The following DLG2 variants were observed in gnomAD, a reference collection of about 807,000 sequenced individuals.
The protein encoded by DLG2 is discs large MAGUK scaffold protein 2.
Under a neutral mutation model 132.5 loss-of-function variants are expected in DLG2, and 45 were observed. That is an observed-to-expected ratio of 0.34 (90% CI 0.27 to 0.44). The LOEUF is 0.44. DLG2 is among the 20% of genes least tolerant of loss of function. The pLI, the probability that DLG2 is intolerant of heterozygous loss-of-function variation, is 1.00. For missense variants in DLG2, 1,045 were observed against 1,196.9 expected, an observed-to-expected ratio of 0.87 and a Z score of 1.87; for synonymous variants, 424 against 419.6, an observed-to-expected ratio of 1.01 and a Z score of -0.13.
At chr11:84,341,672 C>G (rs148559545) in intron 7 of DLG2, among the ~76,000 whole-genome samples, 129 of 152,316 alleles carry the variant, frequency 8.5e-4, no homozygotes, top group African/African-American at 2.9e-3. Flanking sequence ...GCTTCTCAGC[C>G]CTAGATAAAC....
intron 3 of DLG2, among the ~76,000 whole-genome samples, chr11:85,591,646 G>A (rs576300292): frequency 2.0e-5 from 3 of 152,178 alleles, no homozygotes; most frequent in Non-Finnish European, 4.4e-5. Flanking sequence ...AGGAGGCTGA[G>A]GCAGAAGAAT....
intron 7 of DLG2, among the ~76,000 whole-genome samples, chr11:84,277,065 T>C (rs1482503610): frequency 6.6e-6 from 1 of 152,166 alleles, no homozygotes; most frequent in Non-Finnish European, 1.5e-5. Context: ...CTTGTTGCGT[T>C]GAGAAGACAG....
chr11:84,857,123 CAGTT>C (rs1286694125), intron 6 of DLG2, among the ~76,000 whole-genome samples: 3 of 151,186 alleles, frequency 2.0e-5, no homozygotes, highest in Non-Finnish European at 2.9e-5. Context: ...TGGGCAAAAA[CAGTT>C]AGAGATACAG....
At chr11:84,916,384 CAGTAAAATG>C (rs2092472098) in intron 6 of DLG2, among the ~76,000 whole-genome samples, 1 of 76,628 alleles carries the variant, frequency 1.3e-5, no homozygotes, top group Non-Finnish European at 2.8e-5. Context: ...AAAAAAGAAG[CAGTAAAATG>C]GCATGGTAAT....
intron 18 of DLG2, among the ~76,000 whole-genome samples, chr11:83,672,471 C>T (rs2076996560): frequency 6.6e-6 from 1 of 152,118 alleles, no homozygotes; most frequent in African/African-American, 2.4e-5. Flanking sequence ...GCCACCGTGC[C>T]CGGCCTCCTT....
chr11:85,511,248 G>C (rs1246018553), intron 3 of DLG2, among the ~76,000 whole-genome samples: 1 of 151,978 alleles, frequency 6.6e-6, no homozygotes, highest in Non-Finnish European at 1.5e-5. Context: ...GGAAGGGATA[G>C]CATTAGGAGA....
At chr11:84,257,649 A>C (rs1397918697) in intron 7 of DLG2, among the ~76,000 whole-genome samples, 2 of 151,322 alleles carry the variant, frequency 1.3e-5, no homozygotes. Context: ...GCCCCTTAGA[A>C]TGAAAACAGA....
chr11:84,296,912 T>A (rs1393052836), intron 7 of DLG2, among the ~76,000 whole-genome samples: 2 of 152,082 alleles, frequency 1.3e-5, no homozygotes. Flanking sequence ...AATAAGATAT[T>A]CCAAATATCT....
intron 6 of DLG2, among the ~76,000 whole-genome samples, chr11:84,537,531 T>C (rs2099358564): frequency 6.6e-6 from 1 of 152,222 alleles, no homozygotes; most frequent in African/African-American, 2.4e-5. Context: ...ATTTTGACCA[T>C]TTTAACCATT....
At chr11:84,937,735 G>C (rs2048920492) in intron 6 of DLG2, among the ~76,000 whole-genome samples, 1 of 152,126 alleles carries the variant, frequency 6.6e-6, no homozygotes, top group Admixed American at 6.6e-5. Flanking sequence ...CAGGAATTTT[G>C]TTTAATCAGT....
intron 6 of DLG2, among the ~76,000 whole-genome samples, chr11:84,949,840 C>T (rs749272409): frequency 5.3e-5 from 8 of 152,068 alleles, no homozygotes; most frequent in South Asian, 2.1e-4. Context: ...CCTCCTCAAC[C>T]GACAGGATTA....
At chr11:84,313,578 AGAGAAAGG>A (rs951755023) in intron 7 of DLG2, among the ~76,000 whole-genome samples, 1 of 141,428 alleles carries the variant, frequency 7.1e-6, no homozygotes, top group Admixed American at 7.2e-5. Context: ...AGAGAGAGAG[AGAGAAAGG>A]AAGGAAGGAA....
chr11:84,436,069 A>G (rs1451830023), intron 7 of DLG2, among the ~76,000 whole-genome samples: 3 of 152,136 alleles, frequency 2.0e-5, no homozygotes, highest in Non-Finnish European at 4.4e-5. Context: ...ACAACCTCAA[A>G]AGCCAACTGT....
chr11:84,563,111 C>A (rs989157693), intron 6 of DLG2, among the ~76,000 whole-genome samples: 13 of 152,204 alleles, frequency 8.5e-5, no homozygotes, highest in African/African-American at 2.7e-4. Context: ...TCATATTGGG[C>A]TGCATTCCTT....
intron 6 of DLG2, among the ~76,000 whole-genome samples, chr11:84,562,491 T>C (rs943099708): frequency 2.0e-5 from 3 of 152,174 alleles, no homozygotes; most frequent in East Asian, 1.9e-4. Context: ...TAAATGCTTA[T>C]AATAGTTAGC....
intron 7 of DLG2, among the ~76,000 whole-genome samples, chr11:84,463,628 T>C (rs1362268539): frequency 6.6e-6 from 1 of 151,178 alleles, no homozygotes; most frequent in Non-Finnish European, 1.5e-5. Flanking sequence ...AATTACCTGA[T>C]TATGATACCC....
chr11:84,423,922 T>C (rs1184386640), intron 7 of DLG2, among the ~76,000 whole-genome samples: 1 of 152,110 alleles, frequency 6.6e-6, no homozygotes, highest in East Asian at 1.9e-4. Context: ...CATTAAACAG[T>C]CCATAAATGC....
intron 3 of DLG2, among the ~76,000 whole-genome samples, chr11:85,396,630 T>C (rs1317842081): frequency 6.6e-6 from 1 of 152,116 alleles, no homozygotes; most frequent in African/African-American, 2.4e-5. Flanking sequence ...TCGCGATGCA[T>C]GCACAAGCTT....
intron 3 of DLG2, among the ~76,000 whole-genome samples, chr11:85,430,640 A>C (rs2091111924): frequency 6.6e-6 from 1 of 152,176 alleles, no homozygotes; most frequent in Non-Finnish European, 1.5e-5. Context: ...TTTGCTTGGT[A>C]GCTCAGATTT....
Sources: gnomAD v4.1 joint callset for allele counts (sites outside exome capture counted in the v4.1 genomes callset) on GRCh38, gnomAD v4.1.1 for gene constraint, MANE v1.5 for transcripts, NCBI Gene and HGNC (gene_info 2026-07-23, HGNC 2026-07-21) for gene names.